CHD4: variants seen among roughly 807,000 people sequenced by gnomAD.
CHD4 encodes ATP-dependent chromatin remodeler CHD4.
In CHD4, 35 loss-of-function variants were observed where a neutral mutation model predicts 235.5. The ratio of observed to expected loss-of-function variants is 0.15; its 90% CI spans 0.11 to 0.20. The LOEUF is 0.20. CHD4 is among the 10% of genes least tolerant of loss of function. The probability of loss-of-function intolerance (pLI) is 1.00; values close to 1 mark genes in which losing one functional copy is unlikely to be tolerated. For missense variants in CHD4, 1,329 were observed against 2,432.3 expected, an observed-to-expected ratio of 0.55 and a Z score of 9.54; for synonymous variants, 900 against 850.2, an observed-to-expected ratio of 1.06 and a Z score of -1.02.
intron 2 of CHD4, among the ~76,000 whole-genome samples, chr12:6,605,989 A>AT (rs903872163): frequency 1.3e-5 from 2 of 152,170 alleles, no homozygotes; most frequent in African/African-American, 4.8e-5. Flanking sequence ...GAGGACCCAC[A>AT]TACCAGGTAA....
intron 2 of CHD4, chr12:6,602,791 AGCTGAACTGAGCT>A: frequency 3.7e-6 from 1 of 273,320 alleles, no homozygotes; most frequent in East Asian, 7.5e-5. Flanking sequence ...TCACCAGTAC[AGCTGAACTGAGCT>A]GCTCAGAGTT....
chr12:6,595,934 G>A (rs1948485822), intron 13 of CHD4, 72 bp downstream of exon 13: 5 of 1,497,356 alleles, frequency 3.3e-6, no homozygotes, highest in Non-Finnish European at 4.4e-6. Flanking sequence ...CTACAGCTTG[G>A]TGACAGAGCA....
rs201224992 is a variant in CHD4, at chr12:6,595,347, G to A, written c.2108C>T (p.Thr703Met). Residue 703 changes from threonine to methionine, a missense_variant, in exon 14 of 40, where the codon ACG becomes ATG. Transcript: ENST00000544040. ...KLRKLERPPE[T>M]PTVDPTVKYE... is the part of the protein sequence containing the mutation. ...ACCCCCACTCACATCAACTGTTGGC[G>A]TTTCTGGAGGCCTCTCCAACTTCCG... 7.2e-5 allele frequency: 116 copies of A among 1,613,910 alleles called. No individual in the cohort carries two copies. Among genetic ancestry groups the A allele is most frequent in the African/African-American group, 1.1e-4 (8 of 75,000 alleles).
In CHD4 at chr12:6,602,048, T is replaced by C; in HGVS notation, c.350A>G (p.Lys117Arg). The C allele has an allele frequency of 6.2e-7, 1 of 1,613,344 alleles. No individual in the cohort carries two copies. Among genetic ancestry groups the C allele is most frequent in the Non-Finnish European group, 8.5e-7 (1 of 1,179,916 alleles). Residue 117 changes from lysine (K) to arginine (R), a missense_variant, in exon 4 of 40, where the codon AAG becomes AGG. Around this residue, in one of 26 missense-constraint regions of CHD4, gnomAD observed 213 missense variants for 177.5 expected, o/e 1.20. Transcript: ENST00000544040. ...GSDYTPGKKK[K>R]KKLGPKKEKK... ...CTCTTTCTTAGGTCCAAGCTTCTTCTTCTTCTTCTTGCCAGGAGTATAGTC... is the reference window on the plus strand; with the variant it reads ...CTCTTTCTTAGGTCCAAGCTTCTTCCTCTTCTTCTTGCCAGGAGTATAGTC...
chr12:6,578,950 A>G, intron 33 of CHD4, 33 bp from the exon 34 acceptor site: 1 of 1,588,572 alleles, frequency 6.3e-7, no homozygotes. Context: ...GACTATACCT[A>G]AAGGAAGAAC....
chr12:6,601,978 ATCC>A lies in CHD4; in HGVS notation c.417_419del (p.Glu139del), dbSNP rs71584865. ...CAGGCACCTTTGAATCATCATCATCATCCTCCTCCTCCTCCTCCTCCTTCCGCT... is the reference window on the plus strand; with the variant it reads ...CAGGCACCTTTGAATCATCATCATCATCCTCCTCCTCCTCCTCCTTCCGCT... On this transcript the variant is annotated inframe_deletion, in exon 4 of 40. Transcript: ENST00000544040. 3.9e-4 allele frequency: 547 copies of A among 1,389,704 alleles called. 1 individual carries two copies. Among genetic ancestry groups the A allele is most frequent in the Non-Finnish European group, 3.6e-4 (367 of 1,013,744 alleles). The allele number at this position is 1,389,704 out of a possible 1,614,324, so 86.1% of individuals were successfully genotyped here.
At chr12:6,578,330 C>G in intron 35 of CHD4, 79 bp downstream of exon 35, 1 of 1,526,468 alleles carries the variant, frequency 6.6e-7, no homozygotes, top group Admixed American at 1.8e-5. Context: ...GAGGTAAAGT[C>G]CCTGTACCGT....
intron 14 of CHD4, 51 bp downstream of exon 14, chr12:6,595,281 CAA>C (rs1555171676): frequency 1.4e-6 from 2 of 1,431,204 alleles, no homozygotes; most frequent in Admixed American, 1.7e-5. Context: ...TAGACTGCAG[CAA>C]AGATACATTG....
intron 12 of CHD4, among the ~76,000 whole-genome samples, chr12:6,596,589 C>T (rs1948501784): frequency 6.6e-6 from 1 of 150,944 alleles, no homozygotes; most frequent in Non-Finnish European, 1.5e-5. Flanking sequence ...CACCTGAGGT[C>T]GGGAGTTCAA....
chr12:6,598,289 T>A lies in CHD4; in HGVS notation c.1619A>T (p.Glu540Val). 6.2e-7 allele frequency: 1 copy of A among 1,614,096 alleles called. No homozygotes were observed. Among genetic ancestry groups the A allele is most frequent in the Non-Finnish European group, 8.5e-7 (1 of 1,179,968 alleles). ...TTGCCATTTCACAAAGAACTGCCGCTCTGGCCGCCCCTCCAAGGGCTTTGG... is the reference window on the plus strand; with the variant it reads ...TTGCCATTTCACAAAGAACTGCCGCACTGGCCGCCCCTCCAAGGGCTTTGG... ...PSPKPLEGRP[E>V]RQFFVKWQGM... Residue 540 changes from glutamate (E) to valine (V), a missense_variant, in exon 11 of 40, where the codon GAG becomes GTG. This residue lies in a region of CHD4 where 45 missense variants were observed against 47.5 expected (regional missense o/e 0.95). Transcript: ENST00000544040.
At chr12:6,594,375 T>C in intron 15 of CHD4, 84 bp downstream of exon 15, 4 of 1,310,914 alleles carry the variant, frequency 3.1e-6, no homozygotes, top group Non-Finnish European at 4.2e-6. Context: ...ATTTTTTTAT[T>C]CCCTTATCTC....
Position 6,592,380 on chromosome 12 carries a change from C to T in CHD4, c.2948+13G>A. 1.3e-6 allele frequency: 2 copies of T among 1,567,594 alleles called. No individual in the cohort carries two copies. Among genetic ancestry groups the T allele is most frequent in the East Asian group, 4.5e-5 (2 of 44,238 alleles). ...TGTCTAAATGGAGTCTGCTTCTGTC[C>T]CTCCCAACTCACTTCTGCATAGGGC... On this transcript the variant is annotated intron_variant, in intron 19 of 39. Coordinates refer to ENST00000544040, the MANE Select transcript of CHD4 (RefSeq NM_001273.5).
intron 12 of CHD4, among the ~76,000 whole-genome samples, chr12:6,596,575 G>A (rs750832779): frequency 3.3e-5 from 5 of 151,958 alleles, no homozygotes; most frequent in Non-Finnish European, 5.9e-5. Context: ...CAAGGCAGGC[G>A]GATCACCTGA....
In CHD4 at chr12:6,601,347, T is replaced by C. The variant is rs758921938; in HGVS notation, c.741A>G (p.Ala247=). Residue 247 remains alanine, a synonymous_variant, in exon 6 of 40, where the codon GCA becomes GCG. Transcript: ENST00000544040. ...GCACCTCCACAGGGGGAGGTGGTGG[T>C]GCAACCTCAGTGGCTGTCACCATGC... ...VESMVTATEV[A]PPPPPVEVPI... 1.9e-6 allele frequency: 3 copies of C among 1,613,962 alleles called. No individual in the cohort carries two copies. The highest frequency in any genetic ancestry group is 1.7e-6 in the Non-Finnish European group (2 of 1,180,012).
At chr12:6,583,610 C>A in intron 25 of CHD4, 1 of 469,494 alleles carries the variant, frequency 2.1e-6, no homozygotes, top group Non-Finnish European at 3.7e-6. Context: ...TGGGATAGAG[C>A]TATTATCACA....
intron 37 of CHD4, among the ~76,000 whole-genome samples, chr12:6,574,728 A>G (rs1467968283): frequency 8.5e-5 from 13 of 152,254 alleles, no homozygotes; most frequent in Admixed American, 2.0e-4. Flanking sequence ...CTAAAATTCG[A>G]TATCATTCTT....
At chr12:6,600,715 A>G in intron 7 of CHD4, 46 bp from the exon 8 acceptor site, 1 of 1,607,620 alleles carries the variant, frequency 6.2e-7, no homozygotes, top group Non-Finnish European at 8.5e-7. Flanking sequence ...AGCCAAGGGG[A>G]AGGACAGAGT....
At chr12:6,602,688 C>T (rs1287098028) in intron 2 of CHD4, among the ~76,000 whole-genome samples, 191 bp from the exon 3 acceptor site, 2 of 152,154 alleles carry the variant, frequency 1.3e-5, no homozygotes, top group African/African-American at 2.4e-5. Flanking sequence ...TGTATATACC[C>T]GAAATAGGCC....
chr12:6,570,831 T>C (rs1453932883), intron 39 of CHD4, 38 bp downstream of exon 39: 3 of 1,613,366 alleles, frequency 1.9e-6, no homozygotes, highest in African/African-American at 1.3e-5. Context: ...AGAATGGTTC[T>C]GCAGGAAGAG....
Sources: gnomAD v4.1 joint callset for allele counts (sites outside exome capture counted in the v4.1 genomes callset) on GRCh38, gnomAD v4.1.1 for gene constraint, gnomAD v4.1.1 regional missense constraint, MANE v1.5 for transcripts, NCBI Gene and HGNC (gene_info 2026-07-23, HGNC 2026-07-21) for gene names.